VIPR2: variants seen among roughly 807,000 people sequenced by gnomAD.
VIPR2 encodes vasoactive intestinal peptide receptor 2, also known as vasoactive intestinal polypeptide receptor 2.
A neutral mutation model predicts 58.0 loss-of-function variants in VIPR2; 48 were observed. The observed-to-expected ratio is 0.83, with a 90% CI of 0.66 to 1.05. The LOEUF (loss-of-function observed/expected upper bound fraction) is 1.05. VIPR2 is among the 50% of genes least tolerant of loss of function. VIPR2 has a pLI of 0.00. For missense variants in VIPR2, 534 were observed against 558.0 expected (o/e 0.96, Z 0.43); for synonymous variants, 243 against 235.2 (o/e 1.03, Z -0.30).
At position 159,098,902 on chromosome 7, in the gene VIPR2, G is replaced by A. The variant is rs12112739; in HGVS notation, c.357+4855C>T. ...CCTGATGGGACGAAGCGTGAGCTCCGGGCAGGAGAAACTCTGTTCAGTTCA... is the reference window on the plus strand; with the variant it reads ...CCTGATGGGACGAAGCGTGAGCTCCAGGCAGGAGAAACTCTGTTCAGTTCA... On this transcript the variant is annotated intron_variant, in intron 4 of 12. Transcript: ENST00000262178. This position sits in a 1 kb window ranked among gnomAD's most constrained non-coding sequence, Gnocchi z 5.2. Among the ~76,000 whole-genome samples the A allele has an allele frequency of 8.4e-3, 1,280 of 152,306 alleles. 17 individuals are homozygous for A. Among genetic ancestry groups the A allele is most frequent in the African/African-American group, 0.029 (1,205 of 41,570 alleles).
intron 2 of VIPR2, among the ~76,000 whole-genome samples, chr7:159,118,793 G>A (rs146959787): frequency 7.9e-4 from 121 of 152,364 alleles, no homozygotes; most frequent in Non-Finnish European, 1.4e-3. Context: ...TGGCTCCCAC[G>A]GTCACTTGGC....
intron 2 of VIPR2, among the ~76,000 whole-genome samples, chr7:159,110,315 A>G (rs12668702): frequency 6.6e-6 from 1 of 152,260 alleles, no homozygotes. Context: ...ATTTGCAAAT[A>G]AAAGTATTTG....
chr7:159,071,643 TGC>T (rs1856399134), intron 4 of VIPR2, among the ~76,000 whole-genome samples: 1 of 152,196 alleles, frequency 6.6e-6, no homozygotes, highest in Non-Finnish European at 1.5e-5. Flanking sequence ...GGAGAACAGG[TGC>T]AAAGAGTTTT....
At chr7:159,102,003 C>T (rs950172234) in intron 4 of VIPR2, among the ~76,000 whole-genome samples, 12 of 118,090 alleles carry the variant, frequency 1.0e-4, no homozygotes, top group Admixed American at 1.7e-4. Flanking sequence ...ATGAGTCTCA[C>T]GAGATCCGAC....
Position 159,142,511 on chromosome 7 carries a change from A to G in VIPR2, c.86T>C (p.Leu29Pro). ...NSIHPECRFH[L>P]EIQEEETKCA... ...TTTTGTTTCTTCCTCCTGTATTTCC[A>G]GATGAAATCGGCATTCTGGGTGAAT... The change falls in exon 2 of 13, where the codon CTG becomes CCG. Residue 29 changes from leucine (L) to proline (P), a missense_variant. By Grantham distance (98) the Leu-to-Pro change is moderately conservative. Coordinates refer to ENST00000262178, the MANE Select transcript of VIPR2 (RefSeq NM_003382.5). 6.2e-7 allele frequency: 1 copy of G among 1,614,050 alleles called. No individual in the cohort carries two copies. Among genetic ancestry groups the G allele is most frequent in the Non-Finnish European group, 8.5e-7 (1 of 1,179,986 alleles).
At position 159,095,984 on chromosome 7, in the gene VIPR2, C is replaced by T. The variant is rs977451643; in HGVS notation, c.357+7773G>A. Reference sequence around the variant, plus strand: ...TGTGGTGTATGATCTGGAGGCTCCCCGGGGGCTCCTGGCAACAAGCTGCAG... The same window carrying T: ...TGTGGTGTATGATCTGGAGGCTCCCTGGGGGCTCCTGGCAACAAGCTGCAG... On this transcript the variant is annotated intron_variant, in intron 4 of 12. Transcript: ENST00000262178. This position sits in a 1 kb window ranked among gnomAD's most constrained non-coding sequence, Gnocchi z 5.2. Among the ~76,000 whole-genome samples, 9 of 152,088 alleles carry T rather than the reference C, an allele frequency of 5.9e-5. No homozygotes were observed. Among genetic ancestry groups the T allele is most frequent in the Admixed American group, 1.3e-4 (2 of 15,276 alleles).
intron 6 of VIPR2, among the ~76,000 whole-genome samples, chr7:159,039,920 C>T (rs930129939): frequency 3.3e-5 from 5 of 152,168 alleles, no homozygotes; most frequent in Non-Finnish European, 7.3e-5. Context: ...GGATGGGCTA[C>T]GCGGAGAACA....
At chr7:159,050,560 CATT>C (rs1554502355) in intron 5 of VIPR2, among the ~76,000 whole-genome samples, 1 of 151,800 alleles carries the variant, frequency 6.6e-6, no homozygotes, top group Non-Finnish European at 1.5e-5. Flanking sequence ...AGGGGACTAA[CATT>C]AATTTAACAC....
chr7:159,080,002 G>A (rs1306863655), intron 4 of VIPR2, among the ~76,000 whole-genome samples: 1 of 152,150 alleles, frequency 6.6e-6, no homozygotes, highest in African/African-American at 2.4e-5. Flanking sequence ...AAAAGTCCAG[G>A]ACCAGATGGA....
chr7:159,089,531 T>C (rs1010223351), intron 4 of VIPR2, among the ~76,000 whole-genome samples: 2 of 152,276 alleles, frequency 1.3e-5, no homozygotes, highest in African/African-American at 4.8e-5. Flanking sequence ...TAGAATTTCA[T>C]GTAAAGTGCT....
At position 159,093,892 on chromosome 7, in the gene VIPR2, C is replaced by T. The variant is rs945249163; in HGVS notation, c.357+9865G>A. ...GCGGCCACCCCATGCCCAGTGCTGA[C>T]GGGCGCCCCTCGTGACTCCCTCTTT... On this transcript the variant is annotated intron_variant, in intron 4 of 12. Transcript: ENST00000262178. This position sits in a 1 kb window ranked among gnomAD's most constrained non-coding sequence, Gnocchi z 6.7. 3.9e-5 allele frequency among the ~76,000 whole-genome samples: 6 copies of T among 152,192 alleles called. No individual in the cohort carries two copies. Among genetic ancestry groups the T allele is most frequent in the Non-Finnish European group, 5.9e-5 (4 of 68,036 alleles).
At chr7:159,130,441 G>A (rs1250158226) in intron 2 of VIPR2, among the ~76,000 whole-genome samples, 1 of 99,716 alleles carries the variant, frequency 1.0e-5, no homozygotes, top group African/African-American at 3.4e-5. Flanking sequence ...CCTAAGATTG[G>A]CCTTTTGAGA....
intron 2 of VIPR2, among the ~76,000 whole-genome samples, chr7:159,140,214 A>T (rs1797407453): frequency 6.6e-6 from 1 of 151,790 alleles, no homozygotes; most frequent in Non-Finnish European, 1.5e-5. Flanking sequence ...AAATTTCTTA[A>T]TCGTATGGAT....
chr7:159,062,053 G>A (rs540761268), intron 4 of VIPR2, among the ~76,000 whole-genome samples: 2 of 152,362 alleles, frequency 1.3e-5, no homozygotes, highest in Admixed American at 6.5e-5. Context: ...AGAGGGCGAG[G>A]TGTGGGGTCT....
rs1269957196 is a variant in VIPR2, at chr7:159,103,759, T to C, written c.355A>G (p.Lys119Glu). Residue 119 changes from lysine (K) to glutamate (E), a missense_variant and splice_region_variant, in exon 4 of 13, where the codon AAG (lysine) becomes GAG (glutamate). By Grantham distance (56) the Lys-to-Glu change is moderately conservative. Transcript: ENST00000262178. Reference sequence around the variant, plus strand: ...CGTAGCACCACGCAGGAGCCTACCTTGCTCTCATCCTCCGGGTCGCTGTAG... The same window carrying C: ...CGTAGCACCACGCAGGAGCCTACCTCGCTCTCATCCTCCGGGTCGCTGTAG... The part of the protein sequence containing the change: ...CGYSDPEDES[K>E]ITFYILVKAI... 6.2e-7 allele frequency: 1 copy of C among 1,613,918 alleles called. No homozygotes were observed.
chr7:159,105,692 TG>T (rs1347839301), intron 3 of VIPR2, among the ~76,000 whole-genome samples: 1 of 152,040 alleles, frequency 6.6e-6, no homozygotes, highest in African/African-American at 2.4e-5. Flanking sequence ...CAGCAGGGTC[TG>T]GGGGCCTCTT....
At chr7:159,138,817 A>G (rs1244404880) in intron 2 of VIPR2, among the ~76,000 whole-genome samples, 2 of 152,204 alleles carry the variant, frequency 1.3e-5, no homozygotes, top group African/African-American at 4.8e-5. Context: ...ACATTTTTGA[A>G]CAGAATTTTT....
chr7:159,118,047 T>G (rs1449970590), intron 2 of VIPR2, among the ~76,000 whole-genome samples: 1 of 152,198 alleles, frequency 6.6e-6, no homozygotes, highest in East Asian at 1.9e-4. Context: ...CCCAGCTGGT[T>G]CTCACGGGGA....
At chr7:159,104,013 C>A (rs1028713934) in intron 3 of VIPR2, among the ~76,000 whole-genome samples, 159 bp from the exon 4 acceptor site, 3 of 152,194 alleles carry the variant, frequency 2.0e-5, no homozygotes, top group Non-Finnish European at 2.9e-5. Context: ...TCCTTGCCCT[C>A]CTAGTCCATG....
Sources: allele counts gnomAD v4.1 joint callset (sites outside exome capture counted in the v4.1 genomes callset), GRCh38; gene constraint gnomAD v4.1.1; non-coding constraint Gnocchi (gnomAD v3.1); transcripts MANE v1.5; gene names NCBI Gene and HGNC (gene_info 2026-07-23, HGNC 2026-07-21).